Variants in FAT3 observed in about 807,000 individuals in gnomAD.
The protein encoded by FAT3 is FAT atypical cadherin 3.
Under a neutral mutation model 310.2 loss-of-function variants are expected in FAT3, and 95 were observed. That is an observed-to-expected ratio of 0.31 (90% CI 0.26 to 0.36). The LOEUF is 0.36. Among genes scored for constraint, FAT3 ranks in the 10% least tolerant of loss-of-function variants. FAT3 has a pLI of 1.00. For missense variants in FAT3, 5,408 were observed against 5,715.6 expected (o/e 0.95, Z 1.74); for synonymous variants, 2,314 against 2,192.9 (o/e 1.06, Z -1.54).
intron 2 of FAT3, among the ~76,000 whole-genome samples, chr11:92,519,495 C>T (rs1349949430): frequency 1.3e-5 from 2 of 151,928 alleles, no homozygotes; most frequent in Non-Finnish European, 2.9e-5. Flanking sequence ...AGATACAATA[C>T]CAAAACATGA....
rs192740292 is a variant in FAT3, at chr11:92,432,660, C to G, written c.3292+77256C>G. Reference sequence around the variant, plus strand: ...AGATTTGTTCCAGAGGGTCACCTACCAGATGCCAGCCAGAGCTCTCCTGTA... The same window carrying G: ...AGATTTGTTCCAGAGGGTCACCTACGAGATGCCAGCCAGAGCTCTCCTGTA... On this transcript the variant is annotated intron_variant, in intron 2 of 27. Transcript: ENST00000525166. Among the ~76,000 whole-genome samples the G allele has an allele frequency of 3.3e-5, 5 of 152,136 alleles. No homozygotes were observed. In the East Asian group the frequency reaches 9.7e-4, roughly 29 times the overall value.
intron 3 of FAT3, among the ~76,000 whole-genome samples, chr11:92,669,135 G>A (rs919225060): frequency 6.6e-6 from 1 of 152,090 alleles, no homozygotes; most frequent in Non-Finnish European, 1.5e-5. Flanking sequence ...TCTTACTTGT[G>A]GTTTCACCCT....
At chr11:92,780,272 C>G (rs987750587) in intron 7 of FAT3, among the ~76,000 whole-genome samples, 1 of 151,760 alleles carries the variant, frequency 6.6e-6, no homozygotes, top group Admixed American at 6.6e-5. Context: ...AACAATCCTC[C>G]CACCTCAAGC....
At chr11:92,534,674 A>G (rs1347071480) in intron 3 of FAT3, among the ~76,000 whole-genome samples, 1 of 152,178 alleles carries the variant, frequency 6.6e-6, no homozygotes, top group Non-Finnish European at 1.5e-5. Flanking sequence ...TCATAAACAG[A>G]GAGAAATTTG....
intron 14 of FAT3, among the ~76,000 whole-genome samples, chr11:92,832,290 C>T (rs1047165629): frequency 1.3e-5 from 2 of 152,108 alleles, no homozygotes; most frequent in Non-Finnish European, 2.9e-5. Flanking sequence ...GAGCAACATT[C>T]CTGCCATTGC....
At position 92,607,194 on chromosome 11, in the gene FAT3, G is replaced by GATC. The variant is rs575982199; in HGVS notation, c.3607+82248_3607+82250dup. ...ATGATGGTTTGAAATTTTCATTGGTGATCAGTGAAAATATTCACTGGAATC... is the reference window on the plus strand; with the variant it reads ...ATGATGGTTTGAAATTTTCATTGGTGATCATCAGTGAAAATATTCACTGGAATC... On this transcript the variant is annotated intron_variant, in intron 3 of 27. Transcript: ENST00000525166. Among the ~76,000 whole-genome samples the GATC allele has an allele frequency of 2.9e-3, 447 of 152,228 alleles. 5 individuals carry two copies. Among genetic ancestry groups the GATC allele is most frequent in the Non-Finnish European group, 3.9e-3 (263 of 68,032 alleles).
intron 2 of FAT3, among the ~76,000 whole-genome samples, chr11:92,457,588 C>A (rs902416809): frequency 6.6e-6 from 1 of 152,158 alleles, no homozygotes; most frequent in Admixed American, 6.5e-5. Context: ...AGCTTAATCT[C>A]CCAAAAACTG....
intron 18 of FAT3, among the ~76,000 whole-genome samples, chr11:92,841,425 A>T (rs546553493): frequency 1.3e-5 from 2 of 152,200 alleles, no homozygotes; most frequent in South Asian, 4.1e-4. Context: ...AATGGTGACA[A>T]TAATAGCAAT....
In FAT3 at chr11:92,529,043, C is replaced by T. The variant is rs1953974507; in HGVS notation, c.3607+4095C>T. On this transcript the variant is annotated intron_variant, in intron 3 of 27. Transcript: ENST00000525166. Reference sequence around the variant, plus strand: ...ATCTTCAACTCAGTTTTATGAAGTGCATGACGTACCGTTGATCTAGACCCC... The same window carrying T: ...ATCTTCAACTCAGTTTTATGAAGTGTATGACGTACCGTTGATCTAGACCCC... Among the ~76,000 whole-genome samples the T allele has an allele frequency of 1.3e-5, 2 of 152,190 alleles. 1 individual carries two copies. Among genetic ancestry groups the T allele is most frequent in the Non-Finnish European group, 2.9e-5 (2 of 68,044 alleles).
chr11:92,392,540 A>G (rs1949774080), intron 2 of FAT3, among the ~76,000 whole-genome samples: 1 of 151,938 alleles, frequency 6.6e-6, no homozygotes, highest in Non-Finnish European at 1.5e-5. Context: ...CCTCCCCACA[A>G]ATCCCCAATC....
intron 1 of FAT3, among the ~76,000 whole-genome samples, chr11:92,332,046 C>T (rs1947936173): frequency 6.6e-6 from 1 of 152,194 alleles, no homozygotes; most frequent in Non-Finnish European, 1.5e-5. Flanking sequence ...GCTCTTCCAT[C>T]ATGGTGCTAA....
At chr11:92,564,392 C>T (rs1399863355) in intron 3 of FAT3, among the ~76,000 whole-genome samples, 1 of 149,946 alleles carries the variant, frequency 6.7e-6, no homozygotes, top group African/African-American at 2.5e-5. Context: ...TAAAGCAAGT[C>T]CTGAGTGACC....
intron 1 of FAT3, among the ~76,000 whole-genome samples, chr11:92,338,134 C>G (rs1948141981): frequency 6.6e-6 from 1 of 152,202 alleles, no homozygotes; most frequent in South Asian, 2.1e-4. Context: ...AAATTCTTGT[C>G]AGCTTCCCTG....
chr11:92,432,901 G>A (rs963766077), intron 2 of FAT3, among the ~76,000 whole-genome samples: 11 of 152,188 alleles, frequency 7.2e-5, no homozygotes, highest in Admixed American at 3.9e-4. Context: ...CCCTAACTGG[G>A]GCTGCTGCCT....
At chr11:92,380,461 C>T (rs574197053) in intron 2 of FAT3, among the ~76,000 whole-genome samples, 15 of 152,258 alleles carry the variant, frequency 9.9e-5, no homozygotes, top group African/African-American at 2.9e-4. Flanking sequence ...TTTGTTTGAA[C>T]GCCCTCAAAG....
intron 3 of FAT3, among the ~76,000 whole-genome samples, chr11:92,617,650 A>C (rs1410468487): frequency 1.3e-5 from 2 of 152,176 alleles, no homozygotes; most frequent in African/African-American, 4.8e-5. Context: ...GGTGACGTAC[A>C]GATGGGGTTT....
At chr11:92,761,335 T>G (rs1946145684) in intron 4 of FAT3, among the ~76,000 whole-genome samples, 1 of 152,188 alleles carries the variant, frequency 6.6e-6, no homozygotes, top group African/African-American at 2.4e-5. Flanking sequence ...GAGGGTTTGA[T>G]CCTCATGATC....
intron 2 of FAT3, among the ~76,000 whole-genome samples, chr11:92,360,051 C>T (rs1310568767): frequency 6.6e-6 from 1 of 152,026 alleles, no homozygotes; most frequent in Non-Finnish European, 1.5e-5. Flanking sequence ...TGAGGAATCG[C>T]TACACTGACT....
chr11:92,638,974 C>G (rs1941864315), intron 3 of FAT3, among the ~76,000 whole-genome samples: 1 of 152,148 alleles, frequency 6.6e-6, no homozygotes, highest in African/African-American at 2.4e-5. Flanking sequence ...GATTCCATGC[C>G]TACAAGCATA....
Sources: gnomAD v4.1 joint callset for allele counts (sites outside exome capture counted in the v4.1 genomes callset) on GRCh38, gnomAD v4.1.1 for gene constraint, MANE v1.5 for transcripts, NCBI Gene and HGNC (gene_info 2026-07-23, HGNC 2026-07-21) for gene names.